The following IGF2BP3 variants were observed in gnomAD, a reference collection of about 807,000 sequenced individuals.
The protein encoded by IGF2BP3 is insulin-like growth factor 2 mRNA-binding protein 3.
In IGF2BP3, 9 loss-of-function variants were observed where a neutral mutation model predicts 73.8. The ratio of observed to expected loss-of-function variants is 0.12; its 90% CI spans 0.07 to 0.21. The LOEUF (loss-of-function observed/expected upper bound fraction) is 0.21, where lower values mean the gene tolerates loss of function less well. Ranked by LOEUF, IGF2BP3 falls within the 10% of genes least tolerant of loss-of-function variation. IGF2BP3 has a pLI of 1.00. For missense variants in IGF2BP3, 542 were observed against 714.0 expected (o/e 0.76, Z 2.75); for synonymous variants, 258 against 256.7 (o/e 1.01, Z -0.05).
chr7:23,399,983 G>T (rs1786607696), intron 3 of IGF2BP3, among the ~76,000 whole-genome samples: 1 of 152,140 alleles, frequency 6.6e-6, no homozygotes, highest in South Asian at 2.1e-4. Context: ...GGAACAAGTT[G>T]TCATATCTTT....
At chr7:23,424,212 T>G (rs902651555) in intron 2 of IGF2BP3, among the ~76,000 whole-genome samples, 1 of 143,214 alleles carries the variant, frequency 7.0e-6, no homozygotes, top group African/African-American at 2.6e-5. Flanking sequence ...GATTAAAAAT[T>G]TAAAGGCCAG....
At chr7:23,444,805 C>T (rs531496627) in intron 2 of IGF2BP3, among the ~76,000 whole-genome samples, 2 of 151,096 alleles carry the variant, frequency 1.3e-5, no homozygotes, top group African/African-American at 4.9e-5. Context: ...TTCGGTGGCT[C>T]ATGCCAGTAA....
intron 11 of IGF2BP3, 57 bp downstream of exon 11, chr7:23,319,081 T>C: frequency 2.8e-6 from 3 of 1,072,054 alleles, no homozygotes; most frequent in Non-Finnish European, 4.3e-6. Flanking sequence ...GGCAAGAAGA[T>C]TCATATTTCT....
intron 3 of IGF2BP3, chr7:23,414,295 T>TATGC (rs1172460867): frequency 1.3e-5 from 2 of 152,242 alleles, no homozygotes; most frequent in Admixed American, 6.5e-5. Context: ...GCATGTAAGA[T>TATGC]ATGCGGTCCA....
At position 23,464,773 on chromosome 7, in the gene IGF2BP3, C is replaced by A. The variant is rs1584073878; in HGVS notation, c.236+3709G>T. Among the ~76,000 whole-genome samples the A allele has an allele frequency of 2.6e-5, 4 of 151,266 alleles. No individual in the cohort carries two copies. In the Middle Eastern group the frequency reaches 0.014, roughly 515 times the overall value. On this transcript the variant is annotated intron_variant, in intron 2 of 14. Coordinates refer to ENST00000258729, the MANE Select transcript of IGF2BP3 (RefSeq NM_006547.3). ...TGAAAGGAAGAAAAAGGTAAAGGAT[C>A]CTGCCTAGAAAAATATTAACTATAA...
chr7:23,464,512 G>C (rs1200584094), intron 2 of IGF2BP3, among the ~76,000 whole-genome samples: 3 of 151,838 alleles, frequency 2.0e-5, no homozygotes, highest in Non-Finnish European at 4.4e-5. Flanking sequence ...ACCACAGTCT[G>C]TTTTAAAAGA....
intron 3 of IGF2BP3, among the ~76,000 whole-genome samples, chr7:23,364,546 T>TCA (rs1554320145): frequency 6.3e-5 from 2 of 31,586 alleles, no homozygotes; most frequent in Non-Finnish European, 9.8e-5. Context: ...AGACTTTGTG[T>TCA]CAAAAAAAAA....
rs1306271515 is a variant in IGF2BP3, at chr7:23,469,859, G to C, written c.175+77C>G. 9.3e-7 allele frequency: 1 copy of C among 1,074,420 alleles called. No individual in the cohort carries two copies. The allele number at this position is 1,074,420 out of a possible 1,614,324, so 66.6% of individuals were successfully genotyped here. On this transcript the variant is annotated intron_variant, in intron 1 of 14. Coordinates refer to ENST00000258729, the MANE Select transcript of IGF2BP3 (RefSeq NM_006547.3). This position sits in a 1 kb window ranked among gnomAD's most constrained non-coding sequence, Gnocchi z 6.1. ...CCCCAGCGCGCCGGGCCTGGGGCCC[G>C]CGGAGCCACCCGGTGGGCCTGGGCG... is the stretch of plus-strand genomic sequence containing the variant.
At chr7:23,432,639 T>TTTG (rs562063316) in intron 2 of IGF2BP3, among the ~76,000 whole-genome samples, 2 of 138,688 alleles carry the variant, frequency 1.4e-5, no homozygotes, top group East Asian at 4.0e-4. Context: ...CATTTTTTAA[T>TTTG]TTTTTTTTTT....
chr7:23,372,872 T>G (rs1166598743), intron 3 of IGF2BP3, among the ~76,000 whole-genome samples: 3 of 152,162 alleles, frequency 2.0e-5, no homozygotes, highest in Non-Finnish European at 4.4e-5. Flanking sequence ...GCAACATTAT[T>G]CCATGTTATA....
intron 2 of IGF2BP3, among the ~76,000 whole-genome samples, chr7:23,432,147 T>G (rs923746550): frequency 5.3e-5 from 8 of 152,184 alleles, no homozygotes; most frequent in Non-Finnish European, 1.0e-4. Flanking sequence ...TCTTTTACAT[T>G]TGCACACGTT....
chr7:23,435,508 C>T (rs1388537988), intron 2 of IGF2BP3, among the ~76,000 whole-genome samples: 3 of 150,788 alleles, frequency 2.0e-5, no homozygotes, highest in Non-Finnish European at 3.0e-5. Context: ...GGCTGGAGTG[C>T]AGGGGCATGA....
chr7:23,312,630 C>A, intron 14 of IGF2BP3, 105 bp downstream of exon 14: 1 of 950,370 alleles, frequency 1.1e-6, no homozygotes, highest in Non-Finnish European at 1.7e-6. Context: ...GATGAAAAGT[C>A]TTAAGCATCA....
At chr7:23,361,409 C>G (rs1346192567) in intron 5 of IGF2BP3, 125 bp downstream of exon 5, 5 of 698,736 alleles carry the variant, frequency 7.2e-6, no homozygotes, top group African/African-American at 1.8e-5. Context: ...ATTACAGGGT[C>G]AAATTTTGTA....
At chr7:23,352,006 T>A (rs1274029029) in intron 5 of IGF2BP3, among the ~76,000 whole-genome samples, 1 of 152,174 alleles carries the variant, frequency 6.6e-6, no homozygotes, top group Admixed American at 6.6e-5. Flanking sequence ...GGAAGAGACA[T>A]CAGAAATATA....
chr7:23,443,536 T>C (rs1184795712), intron 2 of IGF2BP3, among the ~76,000 whole-genome samples: 1 of 151,864 alleles, frequency 6.6e-6, no homozygotes, highest in Admixed American at 6.6e-5. Flanking sequence ...TGTGGTGGCA[T>C]GCACCTGTAA....
intron 2 of IGF2BP3, among the ~76,000 whole-genome samples, chr7:23,466,039 T>C (rs1028371312): frequency 2.6e-5 from 4 of 151,814 alleles, no homozygotes; most frequent in African/African-American, 9.7e-5. Flanking sequence ...TTTTTTTTTT[T>C]GAGGTAGAGT....
In IGF2BP3 at chr7:23,406,877, T is replaced by C. The variant is rs568407481; in HGVS notation, c.285+11899A>G. Among the ~76,000 whole-genome samples the C allele has an allele frequency of 2.0e-5, 3 of 152,200 alleles. No homozygotes were observed. In the South Asian group the frequency reaches 6.2e-4, roughly 32 times the overall value. On this transcript the variant is annotated intron_variant, in intron 3 of 14. Transcript: ENST00000258729. ...TAGAAACTGAGTGCTGACTGGTGTGTTTACAATCCTTTAGCTAGACAGAAA... is the reference window on the plus strand; with the variant it reads ...TAGAAACTGAGTGCTGACTGGTGTGCTTACAATCCTTTAGCTAGACAGAAA...
chr7:23,316,457 G>A (rs368484007), intron 12 of IGF2BP3, among the ~76,000 whole-genome samples: 7 of 152,128 alleles, frequency 4.6e-5, no homozygotes, highest in South Asian at 2.1e-4. Context: ...TAAGGTGGGC[G>A]GATCACTTGA....
Sources: gnomAD v4.1 joint callset for allele counts (sites outside exome capture counted in the v4.1 genomes callset) on GRCh38, gnomAD v4.1.1 for gene constraint, Gnocchi (gnomAD v3.1) non-coding constraint, MANE v1.5 for transcripts, NCBI Gene and HGNC (gene_info 2026-07-23, HGNC 2026-07-21) for gene names.